The following SLC9A9 variants were observed in gnomAD, a reference collection of about 807,000 sequenced individuals.
The protein encoded by SLC9A9 is solute carrier family 9 member A9.
In SLC9A9, 62 loss-of-function variants were observed where a neutral mutation model predicts 77.8. That is an observed-to-expected ratio of 0.80 (90% CI 0.65 to 0.98). SLC9A9 has a LOEUF of 0.98. Ranked by LOEUF, SLC9A9 falls within the 50% of genes least tolerant of loss-of-function variation. The pLI, the probability that SLC9A9 is intolerant of heterozygous loss-of-function variation, is 0.00. For missense variants in SLC9A9, 775 were observed against 774.9 expected, an observed-to-expected ratio of 1.00 and a Z score of 0.00; for synonymous variants, 320 against 283.5, an observed-to-expected ratio of 1.13 and a Z score of -1.29.
chr3:143,305,394 C>T (rs374801940), intron 14 of SLC9A9, among the ~76,000 whole-genome samples: 3 of 152,114 alleles, frequency 2.0e-5, no homozygotes, highest in Non-Finnish European at 2.9e-5. Flanking sequence ...TAGATGATAC[C>T]GTTTCATAGC....
intron 8 of SLC9A9, among the ~76,000 whole-genome samples, chr3:143,569,023 C>T (rs1020115716): frequency 1.1e-4 from 16 of 151,686 alleles, no homozygotes; most frequent in Admixed American, 7.2e-4. Flanking sequence ...TACTGAGAGC[C>T]GTAAAATAAG....
chr3:143,586,059 G>A (rs1473544993), intron 6 of SLC9A9, among the ~76,000 whole-genome samples: 2 of 152,328 alleles, frequency 1.3e-5, no homozygotes, highest in East Asian at 3.9e-4. Flanking sequence ...AGGGATAACA[G>A]TATAACAGTT....
intron 4 of SLC9A9, among the ~76,000 whole-genome samples, chr3:143,785,244 G>A (rs914857616): frequency 1.3e-5 from 2 of 152,240 alleles, no homozygotes; most frequent in African/African-American, 4.8e-5. Flanking sequence ...ATACAAGGCA[G>A]TGAGAGCAAT....
chr3:143,520,022 C>T (rs2036269002), intron 9 of SLC9A9, among the ~76,000 whole-genome samples: 1 of 152,124 alleles, frequency 6.6e-6, no homozygotes, highest in South Asian at 2.1e-4. Context: ...TAGGAGAAGA[C>T]TCCAGGCTGG....
intron 14 of SLC9A9, among the ~76,000 whole-genome samples, chr3:143,338,554 T>C (rs538000428): frequency 5.3e-5 from 8 of 152,306 alleles, no homozygotes; most frequent in African/African-American, 1.9e-4. Context: ...GGGACATAAA[T>C]ACATATACTT....
intron 13 of SLC9A9, among the ~76,000 whole-genome samples, chr3:143,380,274 A>G (rs1469200681): frequency 6.6e-6 from 1 of 152,238 alleles, no homozygotes; most frequent in Non-Finnish European, 1.5e-5. Flanking sequence ...CATGAATGAG[A>G]TAAAATAAAA....
chr3:143,468,360 T>C (rs2035320518), intron 11 of SLC9A9, among the ~76,000 whole-genome samples: 1 of 152,232 alleles, frequency 6.6e-6, no homozygotes, highest in African/African-American at 2.4e-5. Flanking sequence ...GAATTGCTTT[T>C]GGAACTCCAT....
chr3:143,649,592 T>G (rs1039467200), intron 6 of SLC9A9, among the ~76,000 whole-genome samples: 18 of 152,266 alleles, frequency 1.2e-4, no homozygotes, highest in African/African-American at 4.3e-4. Context: ...AAAAGCTGCT[T>G]TAATCTAAAA....
rs754193933 is a variant in SLC9A9, at chr3:143,363,565, T to C, written c.1525-2A>G. On this transcript the variant is annotated splice_acceptor_variant, in intron 13 of 15. Coordinates refer to ENST00000316549, the MANE Select transcript of SLC9A9 (RefSeq NM_173653.4). LOFTEE classifies it high-confidence loss of function. ...GTTTTTATCCAAGTTATTTGCTTCC[T>C]GGGGAGAAACAATAGAAAAAGGCAT... 1 of 1,612,354 alleles carries C rather than the reference T, an allele frequency of 6.2e-7. No homozygotes were observed. Among genetic ancestry groups the C allele is most frequent in the Non-Finnish European group, 8.5e-7 (1 of 1,178,808 alleles).
intron 12 of SLC9A9, among the ~76,000 whole-genome samples, chr3:143,432,688 C>A (rs926842058): frequency 6.6e-6 from 1 of 152,146 alleles, no homozygotes; most frequent in African/African-American, 2.4e-5. Flanking sequence ...AGTGCAGTGG[C>A]GTGATCTTGG....
At chr3:143,387,386 G>A (rs6440168) in intron 12 of SLC9A9, among the ~76,000 whole-genome samples, 71,698 of 151,858 alleles carry the variant, frequency 0.47, 17,197 homozygotes, top group African/African-American at 0.56. Flanking sequence ...GTAAGCCGAG[G>A]GTGGAGGGAA....
intron 4 of SLC9A9, among the ~76,000 whole-genome samples, chr3:143,767,792 C>T (rs1451886153): frequency 6.6e-6 from 1 of 152,164 alleles, no homozygotes; most frequent in Non-Finnish European, 1.5e-5. Flanking sequence ...ATCTTTATCA[C>T]TTCACGCATT....
chr3:143,321,698 G>C (rs561375475), intron 14 of SLC9A9, among the ~76,000 whole-genome samples: 1 of 152,180 alleles, frequency 6.6e-6, no homozygotes, highest in African/African-American at 2.4e-5. Flanking sequence ...TACATCCATT[G>C]CTCTGAATTA....
At chr3:143,549,634 T>C (rs188884167) in intron 9 of SLC9A9, among the ~76,000 whole-genome samples, 26 of 152,250 alleles carry the variant, frequency 1.7e-4, no homozygotes, top group Admixed American at 1.6e-3. Context: ...TGGCAACCTG[T>C]CAGGGAGGGC....
At chr3:143,796,283 G>T (rs1463114320) in intron 3 of SLC9A9, among the ~76,000 whole-genome samples, 2 of 151,410 alleles carry the variant, frequency 1.3e-5, no homozygotes, top group African/African-American at 2.4e-5. Flanking sequence ...TCACTTTAAA[G>T]GATAAACTCA....
chr3:143,487,664 A>C lies in SLC9A9; in HGVS notation c.1315+5989T>G, dbSNP rs547149814. On this transcript the variant is annotated intron_variant, in intron 11 of 15. Coordinates refer to ENST00000316549, the MANE Select transcript of SLC9A9 (RefSeq NM_173653.4). Reference sequence around the variant, plus strand: ...TAAATAATCAATGGATCAAGAATAAAATCAGAAGAAAAATTAGAAAATACT... The same window carrying C: ...TAAATAATCAATGGATCAAGAATAACATCAGAAGAAAAATTAGAAAATACT... Among the ~76,000 whole-genome samples the C allele has an allele frequency of 2.0e-5, 3 of 152,044 alleles. No individual in the cohort carries two copies. The East Asian group carries it at 5.8e-4, about 29-fold the overall frequency.
chr3:143,387,195 AAAG>A (rs2033447876), intron 12 of SLC9A9, among the ~76,000 whole-genome samples: 1 of 152,170 alleles, frequency 6.6e-6, no homozygotes, highest in Non-Finnish European at 1.5e-5. Flanking sequence ...ATAAGGCAAC[AAAG>A]AAGGAAAAGA....
intron 15 of SLC9A9, among the ~76,000 whole-genome samples, chr3:143,267,551 C>T (rs1258783991): frequency 1.3e-5 from 2 of 151,942 alleles, no homozygotes; most frequent in African/African-American, 2.4e-5. Context: ...CGGGGTTTTG[C>T]CATGTTGGTC....
In SLC9A9 at chr3:143,485,839, G is replaced by A. The variant is rs529387421; in HGVS notation, c.1315+7814C>T. Among the ~76,000 whole-genome samples the A allele has an allele frequency of 3.6e-4, 55 of 152,022 alleles. 2 individuals are homozygous for A. The South Asian group carries it at 0.011, about 32-fold the overall frequency. ...ACTTCAAAACAACTGTCTTAAAGAT[G>A]CTTGAAGAACTAAAAAGAATATGTT... On this transcript the variant is annotated intron_variant, in intron 11 of 15. Transcript: ENST00000316549.
Sources: gnomAD v4.1 joint callset for allele counts (sites outside exome capture counted in the v4.1 genomes callset) on GRCh38, gnomAD v4.1.1 for gene constraint, MANE v1.5 for transcripts, NCBI Gene and HGNC (gene_info 2026-07-23, HGNC 2026-07-21) for gene names.